Variants in PHF24 observed in about 807,000 individuals in gnomAD.
PHF24 encodes Galpha inhibitory interacting protein.
Under a neutral mutation model 42.6 loss-of-function variants are expected in PHF24, and 25 were observed. That is an observed-to-expected ratio of 0.59 (90% CI 0.43 to 0.82). The LOEUF (loss-of-function observed/expected upper bound fraction) is 0.82, where lower values mean the gene tolerates loss of function less well. PHF24 is among the 40% of genes least tolerant of loss of function. The pLI is 0.00. For synonymous variants in PHF24, 185 were observed against 204.8 expected, an observed-to-expected ratio of 0.90 and a Z score of 0.83; for missense variants, 470 against 538.1, an observed-to-expected ratio of 0.87 and a Z score of 1.25.
At chr9:34,957,231 T>G (rs867477950), upstream of PHF24, among the ~76,000 whole-genome samples, 1 of 152,196 alleles carries the variant, frequency 6.6e-6, no homozygotes, top group Non-Finnish European at 1.5e-5. Flanking sequence ...CCAGGGTACC[T>G]AGCACAGTAT....
chr9:34,982,358 C>T (rs925256568), exon 8 of PHF24: 1 of 152,214 alleles, frequency 6.6e-6, no homozygotes, highest in African/African-American at 2.4e-5. Context: ...TCCCTCATGC[C>T]CTTCCCATGT....
the PHF24 span, among the ~76,000 whole-genome samples, chr9:34,896,030 C>G: frequency 3.0e-4 from 45 of 152,284 alleles, no homozygotes; most frequent in Admixed American, 2.9e-3. Flanking sequence ...TCTCTCTACT[C>G]TCTATACTGT....
At chr9:34,848,571 TTTG>T in the PHF24 span, among the ~76,000 whole-genome samples, 2 of 152,078 alleles carry the variant, frequency 1.3e-5, no homozygotes, top group Non-Finnish European at 2.9e-5. Flanking sequence ...TCATTAATTT[TTTG>T]AAGGGTTTTT....
chr9:34,691,008 C>T, the PHF24 span: 1 of 1,237,072 alleles, frequency 8.1e-7, no homozygotes, highest in Non-Finnish European at 1.1e-6. Flanking sequence ...CCCTTACGTC[C>T]AGTGCCAAGC....
At chr9:34,730,809 A>AG in the PHF24 span, among the ~76,000 whole-genome samples, 1 of 152,196 alleles carries the variant, frequency 6.6e-6, no homozygotes, top group Non-Finnish European at 1.5e-5. Context: ...TCCTGGTGGG[A>AG]GAAAAACTTA....
At chr9:34,789,538 T>C in the PHF24 span, among the ~76,000 whole-genome samples, 1 of 152,062 alleles carries the variant, frequency 6.6e-6, no homozygotes, top group Admixed American at 6.5e-5. Flanking sequence ...AATCTTGAAG[T>C]TGGAGTGGGC....
chr9:34,951,882 C>T, the PHF24 span, among the ~76,000 whole-genome samples: 1 of 152,190 alleles, frequency 6.6e-6, no homozygotes, highest in African/African-American at 2.4e-5. Context: ...ACCCTCAGCA[C>T]CTTGAGGCTT....
chr9:34,830,810 G>A, the PHF24 span, among the ~76,000 whole-genome samples: 2 of 152,170 alleles, frequency 1.3e-5, no homozygotes, highest in African/African-American at 4.8e-5. Flanking sequence ...TCACTGAGAG[G>A]GGCTTACATT....
the PHF24 span, chr9:34,709,409 G>A: frequency 6.2e-7 from 1 of 1,609,556 alleles, no homozygotes; most frequent in Non-Finnish European, 8.5e-7. Flanking sequence ...GCCCTTTAGG[G>A]GTCTGTGACC....
chr9:34,830,535 T>C, the PHF24 span, among the ~76,000 whole-genome samples: 1,210 of 152,290 alleles, frequency 7.9e-3, 14 homozygotes, highest in Non-Finnish European at 0.013. Context: ...CCCTTAGGTC[T>C]CCTTAGAGGT....
chr9:34,844,678 G>A, the PHF24 span, among the ~76,000 whole-genome samples: 1 of 151,986 alleles, frequency 6.6e-6, no homozygotes, highest in Non-Finnish European at 1.5e-5. Flanking sequence ...TCTTAAATTT[G>A]TTATTTCACT....
chr9:34,721,547 A>T, the PHF24 span, among the ~76,000 whole-genome samples: 1 of 152,076 alleles, frequency 6.6e-6, no homozygotes, highest in Admixed American at 6.5e-5. Flanking sequence ...AGTAGCTGGG[A>T]TTACAGGTGC....
chr9:34,833,444 G>T, the PHF24 span: 3 of 1,550,408 alleles, frequency 1.9e-6, no homozygotes, highest in East Asian at 2.4e-5. Flanking sequence ...TGGATTAGGG[G>T]CAGGAAGAGT....
the PHF24 span, chr9:34,832,414 T>G: frequency 8.0e-7 from 1 of 1,243,674 alleles, no homozygotes; most frequent in Admixed American, 2.0e-5. Flanking sequence ...CGAAGCTTAT[T>G]GTCTAGGGAC....
the PHF24 span, among the ~76,000 whole-genome samples, chr9:34,753,769 A>G: frequency 3.3e-5 from 5 of 152,334 alleles, no homozygotes; most frequent in Admixed American, 6.5e-5. Context: ...CCAAAACAGC[A>G]TGGTACTGGC....
chr9:34,842,167 T>A, the PHF24 span, among the ~76,000 whole-genome samples: 1 of 152,236 alleles, frequency 6.6e-6, no homozygotes, highest in African/African-American at 2.4e-5. Context: ...TATTATTAGT[T>A]CATTCCTTTT....
At chr9:34,931,328 A>C in the PHF24 span, among the ~76,000 whole-genome samples, 2 of 142,338 alleles carry the variant, frequency 1.4e-5, no homozygotes, top group African/African-American at 5.2e-5. Flanking sequence ...GTGAGCCGAG[A>C]TAGTGCCACT....
chr9:34,678,438 G>A, the PHF24 span, among the ~76,000 whole-genome samples: 1 of 149,090 alleles, frequency 6.7e-6, no homozygotes. Flanking sequence ...GGGTTCAAGC[G>A]ATTCTCCTGC....
chr9:34,837,073 T>C, the PHF24 span: 1 of 471,478 alleles, frequency 2.1e-6, no homozygotes, highest in Admixed American at 2.3e-5. Flanking sequence ...CACCTTTTCA[T>C]GACAGAGAAC....
Sources: allele counts gnomAD v4.1 joint callset (sites outside exome capture counted in the v4.1 genomes callset), GRCh38; gene constraint gnomAD v4.1.1; transcripts MANE v1.5; gene names NCBI Gene and HGNC (gene_info 2026-07-23, HGNC 2026-07-21).